CSGALNACT1: variants seen among roughly 807,000 people sequenced by gnomAD.
The protein encoded by CSGALNACT1 is chondroitin sulfate N-acetylgalactosaminyltransferase 1, also known as beta4GalNAcT-1.
Under a neutral mutation model 51.0 loss-of-function variants are expected in CSGALNACT1, and 52 were observed. The observed-to-expected ratio is 1.02, with a 90% CI of 0.82 to 1.29. The LOEUF (loss-of-function observed/expected upper bound fraction) is 1.29, where lower values mean the gene tolerates loss of function less well. Ranked by LOEUF, CSGALNACT1 falls within the 50% of genes most tolerant of loss-of-function variation. The probability of loss-of-function intolerance (pLI) is 0.00; values close to 1 mark genes in which losing one functional copy is unlikely to be tolerated. For synonymous variants in CSGALNACT1, 341 were observed against 254.4 expected, an observed-to-expected ratio of 1.34 and a Z score of -3.24; for missense variants, 935 against 679.2, an observed-to-expected ratio of 1.38 and a Z score of -4.19.
intron 3 of CSGALNACT1, among the ~76,000 whole-genome samples, chr8:19,579,061 T>A (rs183971436): frequency 5.0e-4 from 76 of 152,244 alleles, no homozygotes; most frequent in Non-Finnish European, 4.4e-5. Context: ...AAAACATTTA[T>A]GTAAAAATGA....
chr8:19,708,828 C>T (rs1255297286), intron 1 of CSGALNACT1, among the ~76,000 whole-genome samples: 1 of 152,138 alleles, frequency 6.6e-6, no homozygotes, highest in African/African-American at 2.4e-5. Context: ...GTGAGTGCTC[C>T]CTATTCCTGG....
At chr8:19,634,805 C>G (rs966500371) in intron 1 of CSGALNACT1, among the ~76,000 whole-genome samples, 1 of 152,234 alleles carries the variant, frequency 6.6e-6, no homozygotes, top group Non-Finnish European at 1.5e-5. Flanking sequence ...TCTTGGACTT[C>G]CAGCCTCTAG....
intron 1 of CSGALNACT1, among the ~76,000 whole-genome samples, chr8:19,694,137 A>G (rs1478842852): frequency 6.6e-6 from 1 of 152,224 alleles, no homozygotes; most frequent in African/African-American, 2.4e-5. Context: ...ATCAGGCAAA[A>G]GGAAGTTTGT....
chr8:19,420,845 C>T (rs1280565040), intron 6 of CSGALNACT1, among the ~76,000 whole-genome samples: 4 of 152,176 alleles, frequency 2.6e-5, no homozygotes, highest in African/African-American at 7.2e-5. Context: ...AGAAACACAA[C>T]CCTGGAAAAT....
chr8:19,454,419 C>A (rs1041179429), intron 5 of CSGALNACT1, among the ~76,000 whole-genome samples: 9 of 152,162 alleles, frequency 5.9e-5, no homozygotes, highest in African/African-American at 2.2e-4. Flanking sequence ...GCCTGTAATC[C>A]CAGCACTTTG....
chr8:19,679,515 A>G (rs1376232286), intron 1 of CSGALNACT1, among the ~76,000 whole-genome samples: 1 of 152,180 alleles, frequency 6.6e-6, no homozygotes, highest in Non-Finnish European at 1.5e-5. Context: ...AACTTAACCC[A>G]TATACAGATC....
intron 6 of CSGALNACT1, among the ~76,000 whole-genome samples, chr8:19,434,159 C>T (rs1269951616): frequency 2.0e-5 from 3 of 152,142 alleles, no homozygotes; most frequent in Non-Finnish European, 4.4e-5. Flanking sequence ...AATTTTCTTA[C>T]TGCTTTTGTA....
upstream of CSGALNACT1, among the ~76,000 whole-genome samples, chr8:19,605,384 T>C (rs1225918329): frequency 6.6e-6 from 1 of 152,054 alleles, no homozygotes; most frequent in Non-Finnish European, 1.5e-5. Flanking sequence ...CGCAGTGAGC[T>C]GAGACGGTGC....
Position 19,661,379 on chromosome 8 carries a change from G to C in CSGALNACT1, c.-544+21094C>G, listed in dbSNP as rs372770798. ...CAGTTCCTGAATGGAATGCTGCAAA[G>C]TCCTAAGTTCTCCTGCATGGCACTG... On this transcript the variant is annotated intron_variant, in intron 1 of 9. Transcript: ENST00000332246. Among the ~76,000 whole-genome samples the C allele has an allele frequency of 3.1e-4, 47 of 152,292 alleles. 1 individual carries two copies. Among genetic ancestry groups the C allele is most frequent in the South Asian group, 1.2e-3 (6 of 4,830 alleles).
At chr8:19,425,506 C>T (rs1217191083) in intron 6 of CSGALNACT1, among the ~76,000 whole-genome samples, 1 of 152,252 alleles carries the variant, frequency 6.6e-6, no homozygotes. Flanking sequence ...AATGCAGAAT[C>T]GATTTTTTCC....
chr8:19,520,250 A>G (rs1423790052), intron 3 of CSGALNACT1, among the ~76,000 whole-genome samples: 1 of 152,246 alleles, frequency 6.6e-6, no homozygotes, highest in East Asian at 1.9e-4. Context: ...ACATCAACCA[A>G]GGCTTCTCTC....
At chr8:19,687,359 A>G (rs920760122), upstream of CSGALNACT1, among the ~76,000 whole-genome samples, 6 of 152,218 alleles carry the variant, frequency 3.9e-5, no homozygotes, top group South Asian at 4.1e-4. Context: ...CTGACCCATC[A>G]GAAGTTTTGC....
chr8:19,667,056 A>G (rs868387089), intron 1 of CSGALNACT1, among the ~76,000 whole-genome samples: 2,493 of 112,738 alleles, frequency 0.022, 197 homozygotes, highest in African/African-American at 0.029. Context: ...AGAAAGAAAG[A>G]AAGAAAGAAA....
intron 6 of CSGALNACT1, among the ~76,000 whole-genome samples, chr8:19,431,619 G>T (rs574555185): frequency 6.6e-6 from 1 of 152,034 alleles, no homozygotes; most frequent in African/African-American, 2.4e-5. Context: ...CTGATCTATA[G>T]TTTTCTTTCC....
chr8:19,590,751 G>C (rs2047646578), intron 3 of CSGALNACT1, among the ~76,000 whole-genome samples: 1 of 144,042 alleles, frequency 6.9e-6, no homozygotes, highest in African/African-American at 2.6e-5. Context: ...CTGGGTTCAA[G>C]CAATTCTCCT....
intron 1 of CSGALNACT1, among the ~76,000 whole-genome samples, chr8:19,736,726 G>A (rs1351424480): frequency 6.6e-6 from 1 of 152,012 alleles, no homozygotes; most frequent in Non-Finnish European, 1.5e-5. Context: ...ACAGCACAGA[G>A]GGAGAAAAAA....
intron 5 of CSGALNACT1, among the ~76,000 whole-genome samples, chr8:19,443,358 A>G (rs1355809545): frequency 1.3e-5 from 2 of 152,222 alleles, no homozygotes; most frequent in Non-Finnish European, 1.5e-5. Context: ...ATATGCATAT[A>G]TTATGTACAC....
intron 1 of CSGALNACT1, among the ~76,000 whole-genome samples, chr8:19,637,845 T>TG (rs906871258): frequency 2.2e-4 from 33 of 151,714 alleles, no homozygotes; most frequent in Non-Finnish European, 3.5e-4. Context: ...ACCAGTTTTT[T>TG]TTTTTTTTTT....
chr8:19,697,623 C>G (rs1009005233), intron 1 of CSGALNACT1, among the ~76,000 whole-genome samples: 1 of 152,180 alleles, frequency 6.6e-6, no homozygotes, highest in East Asian at 1.9e-4. Flanking sequence ...TAGCCCAGAG[C>G]CCCCCTGTAC....
Sources: allele counts gnomAD v4.1 joint callset (sites outside exome capture counted in the v4.1 genomes callset), GRCh38; gene constraint gnomAD v4.1.1; transcripts MANE v1.5; gene names NCBI Gene and HGNC (gene_info 2026-07-23, HGNC 2026-07-21).